The following RFX1 variants were observed in gnomAD, a reference collection of about 807,000 sequenced individuals.
RFX1 encodes regulatory factor X1, also known as MHC class II regulatory factor RFX1.
A neutral mutation model predicts 119.6 loss-of-function variants in RFX1; 42 were observed. The ratio of observed to expected loss-of-function variants is 0.35; its 90% CI spans 0.27 to 0.45. The LOEUF (loss-of-function observed/expected upper bound fraction) is 0.45, where lower values mean the gene tolerates loss of function less well. Ranked by LOEUF, RFX1 falls within the 20% of genes least tolerant of loss-of-function variation. The probability of loss-of-function intolerance (pLI) is 1.00; values close to 1 mark genes in which losing one functional copy is unlikely to be tolerated. For missense variants in RFX1, 1,118 were observed against 1,368.1 expected (o/e 0.82, Z 2.88); for synonymous variants, 628 against 618.5 (o/e 1.02, Z -0.23).
chr19:13,978,375 G>T (rs1974317854), intron 7 of RFX1, among the ~76,000 whole-genome samples: 1 of 152,170 alleles, frequency 6.6e-6, no homozygotes, highest in South Asian at 2.1e-4. Flanking sequence ...GTGAAGGTTG[G>T]ACCCCAGGCA....
In RFX1 at chr19:13,985,654, C is replaced by G. The variant is rs1299978048; in HGVS notation, c.320-2059G>C. Reference sequence around the variant, plus strand: ...ACCGGAGTCACTGGTTCTGCCTGGGCTGCGCCCCAAGGGCAGTGATGTGTG... The same window carrying G: ...ACCGGAGTCACTGGTTCTGCCTGGGGTGCGCCCCAAGGGCAGTGATGTGTG... On this transcript the variant is annotated intron_variant, in intron 2 of 20. Transcript: ENST00000254325. This position sits in a 1 kb window ranked among gnomAD's most constrained non-coding sequence, Gnocchi z 4.3. Among the ~76,000 whole-genome samples, 1 of 152,234 alleles carries G rather than the reference C, an allele frequency of 6.6e-6. No individual in the cohort carries two copies. The highest frequency in any genetic ancestry group is 1.5e-5 in the Non-Finnish European group (1 of 68,030).
At position 14,002,788 on chromosome 19, in the gene RFX1, A is replaced by G. The variant is rs529121253; in HGVS notation, c.-53+3315T>C. Among the ~76,000 whole-genome samples, 17 of 152,310 alleles carry G rather than the reference A, an allele frequency of 1.1e-4. No individual in the cohort carries two copies. In the South Asian group the frequency reaches 3.5e-3, roughly 32 times the overall value. On this transcript the variant is annotated intron_variant, in intron 1 of 20. Coordinates refer to ENST00000254325, the MANE Select transcript of RFX1 (RefSeq NM_002918.5). ...GTCCTGTACAGCTGCTATTGAAGGCAGCATCTCTGCGGGCGGGGCAGCCTG... is the reference window on the plus strand; with the variant it reads ...GTCCTGTACAGCTGCTATTGAAGGCGGCATCTCTGCGGGCGGGGCAGCCTG...
In RFX1 at chr19:13,966,937, CAG is replaced by C. The variant is rs921603458; in HGVS notation, c.1733-188_1733-187del. Among the ~76,000 whole-genome samples, 1 of 152,208 alleles carries C rather than the reference CAG, an allele frequency of 6.6e-6. No individual in the cohort carries two copies. The highest frequency in any genetic ancestry group is 2.4e-5 in the African/African-American group (1 of 41,460). On this transcript the variant is annotated intron_variant, in intron 12 of 20. Coordinates refer to ENST00000254325, the MANE Select transcript of RFX1 (RefSeq NM_002918.5). The surrounding 1 kb of genome is among the most constrained non-coding windows in gnomAD (Gnocchi z 6.3). ...GGAGTGAGGGCCCACACTCCTCTGG[CAG>C]AGAGGACAGGAGGGTCTTGTGCCAG...
chr19:13,978,639 C>G (rs1974330072), intron 7 of RFX1, among the ~76,000 whole-genome samples: 1 of 152,078 alleles, frequency 6.6e-6, no homozygotes, highest in East Asian at 1.9e-4. Flanking sequence ...TAGACCGACC[C>G]GTCGGGCGGA....
At position 13,962,452 on chromosome 19, in the gene RFX1, G is replaced by A. The variant is rs1973719669; in HGVS notation, c.*243C>T. On this transcript the variant is annotated 3_prime_UTR_variant, in exon 21 of 21. Transcript: ENST00000254325. The stretch of plus-strand genomic sequence containing the variant: ...GGGGCCGAGCTGGATGCCCCGCGGG[G>A]CACCTGGGCACGCGGCGGGTTCCTT... 3.9e-6 allele frequency: 2 copies of A among 507,486 alleles called. No individual in the cohort carries two copies. The highest frequency in any genetic ancestry group is 2.1e-5 in the African/African-American group (1 of 48,484). 31.4% of individuals were successfully genotyped at this position (507,486 alleles called of 1,614,324 possible). A position where few individuals can be genotyped will look rare whatever the true frequency, so the allele number is the denominator to read the frequency against.
At chr19:14,002,662 G>A (rs1448491162) in intron 1 of RFX1, among the ~76,000 whole-genome samples, 1 of 151,606 alleles carries the variant, frequency 6.6e-6, no homozygotes, top group Non-Finnish European at 1.5e-5. Flanking sequence ...GTTACTTCCT[G>A]CCACAAGCCT....
At position 13,965,404 on chromosome 19, in the gene RFX1, C is replaced by T. The variant is rs1270251416; in HGVS notation, c.2211+45G>A. On this transcript the variant is annotated intron_variant, in intron 16 of 20. Transcript: ENST00000254325. This position sits in a 1 kb window ranked among gnomAD's most constrained non-coding sequence, Gnocchi z 4.7. ...CCCTGGGGAGCAGAGGAGACGGAGGCCTAAGCCCCAGAGATAGGAGAAAGG... is the reference window on the plus strand; with the variant it reads ...CCCTGGGGAGCAGAGGAGACGGAGGTCTAAGCCCCAGAGATAGGAGAAAGG... 6.5e-7 allele frequency: 1 copy of T among 1,549,644 alleles called. No individual in the cohort carries two copies. The highest frequency in any genetic ancestry group is 8.9e-7 in the Non-Finnish European group (1 of 1,124,624).
At chr19:13,998,622 G>C (rs995727918) in intron 1 of RFX1, among the ~76,000 whole-genome samples, 1 of 152,174 alleles carries the variant, frequency 6.6e-6, no homozygotes, top group Non-Finnish European at 1.5e-5. Context: ...GGATCTTCAA[G>C]CTCTTGGGAG....
chr19:14,004,157 C>A (rs1293838644), intron 1 of RFX1, among the ~76,000 whole-genome samples: 6 of 152,144 alleles, frequency 3.9e-5, no homozygotes, highest in Non-Finnish European at 8.8e-5. Flanking sequence ...ACCTCAGCCT[C>A]CCAAAGTGCT....
intron 1 of RFX1, among the ~76,000 whole-genome samples, chr19:13,996,476 C>T (rs1975025721): frequency 6.6e-6 from 1 of 152,218 alleles, no homozygotes. Context: ...AGGTAAAAAA[C>T]AACTGCTGTT....
rs1974562564 is a variant in RFX1, at chr19:13,985,500, A to G, written c.320-1905T>C. On this transcript the variant is annotated intron_variant, in intron 2 of 20. Transcript: ENST00000254325. This position sits in a 1 kb window ranked among gnomAD's most constrained non-coding sequence, Gnocchi z 4.3. ...CTGACAGTAAGAGCTTTTATTACCC[A>G]TTTTCAGACAAGGCAACAGAGACCA... Among the ~76,000 whole-genome samples the G allele has an allele frequency of 1.3e-5, 2 of 152,042 alleles. No individual in the cohort carries two copies. The highest frequency in any genetic ancestry group is 1.3e-4 in the Admixed American group (2 of 15,256).
chr19:13,990,473 G>GAGTTCAAGACCAGC lies in RFX1; in HGVS notation c.319+3038_319+3051dup, dbSNP rs1974763224. ...AAGTGGGAGAATTGTTTGAGGCCAG[G>GAGTTCAAGACCAGC]AGTTCAAGACCAGCCTGGGCAACAT... On this transcript the variant is annotated intron_variant, in intron 2 of 20. Transcript: ENST00000254325. This position sits in a 1 kb window ranked among gnomAD's most constrained non-coding sequence, Gnocchi z 4.1. Among the ~76,000 whole-genome samples the GAGTTCAAGACCAGC allele has an allele frequency of 6.6e-6, 1 of 151,904 alleles. No homozygotes were observed.
intron 2 of RFX1, among the ~76,000 whole-genome samples, chr19:13,991,221 C>T (rs187867347): frequency 6.6e-5 from 10 of 152,276 alleles, no homozygotes; most frequent in Admixed American, 3.3e-4. Context: ...ACTCTGTCCC[C>T]AGTAAGGTTG....
chr19:13,963,053 A>T lies in RFX1; in HGVS notation c.2725-14T>A. 1 of 1,579,198 alleles carries T rather than the reference A, an allele frequency of 6.3e-7. No homozygotes were observed. Among genetic ancestry groups the T allele is most frequent in the Non-Finnish European group, 8.6e-7 (1 of 1,162,136 alleles). ...CAGATTGGCGAACTGGAGGAAGAAG[A>T]GAAGAAAATGGGTGAGGGTCCCGCC... On this transcript the variant is annotated splice_polypyrimidine_tract_variant and intron_variant, in intron 19 of 20. Transcript: ENST00000254325.
chr19:14,001,020 A>C (rs1975198848), intron 1 of RFX1, among the ~76,000 whole-genome samples: 1 of 152,094 alleles, frequency 6.6e-6, no homozygotes, highest in Non-Finnish European at 1.5e-5. Context: ...GCTTGAACCC[A>C]GGAGGCAGAG....
intron 2 of RFX1, among the ~76,000 whole-genome samples, chr19:13,987,572 G>A (rs1779429999): frequency 6.6e-6 from 1 of 152,130 alleles, no homozygotes; most frequent in Non-Finnish European, 1.5e-5. Context: ...ACGTGGCCCC[G>A]GCCACCCTTA....
At position 13,972,917 on chromosome 19, in the gene RFX1, G is replaced by A. The variant is rs745441401; in HGVS notation, c.1140C>T (p.Ser380=). The part of the protein sequence containing the change: ...TSTGAGASNS[S]GGGGSGGGGG... ...CGCCACCACCACTGCCACCACCTCC[G>A]CTGCTGTTGCTGGCCCCAGCCCCAG... The change falls in exon 9 of 21, where the codon AGC becomes AGT. Residue 380 remains serine (S), a synonymous_variant. Transcript: ENST00000254325. 1.6e-5 allele frequency: 26 copies of A among 1,596,292 alleles called. No homozygotes were observed. Among genetic ancestry groups the A allele is most frequent in the African/African-American group, 2.7e-5 (2 of 74,738 alleles).
intron 1 of RFX1, among the ~76,000 whole-genome samples, chr19:14,003,797 C>T (rs1975290042): frequency 6.6e-6 from 1 of 152,200 alleles, no homozygotes; most frequent in East Asian, 1.9e-4. Context: ...TCAAATCACC[C>T]TAGTGTTCTC....
At position 13,997,867 on chromosome 19, in the gene RFX1, C is replaced by G. The variant is rs1051258959; in HGVS notation, c.-52-3972G>C. 5.3e-5 allele frequency among the ~76,000 whole-genome samples: 8 copies of G among 152,126 alleles called. 1 individual carries two copies. The highest frequency in any genetic ancestry group is 3.9e-4 in the Admixed American group (6 of 15,270). On this transcript the variant is annotated intron_variant, in intron 1 of 20. Coordinates refer to ENST00000254325, the MANE Select transcript of RFX1 (RefSeq NM_002918.5). ...GGACTCGGGCAGCAGAGAAACTTGC[C>G]CACCGTGAGAGGGAAAAGGCTGCTG... is the stretch of plus-strand genomic sequence containing the variant.
Sources: allele counts gnomAD v4.1 joint callset (sites outside exome capture counted in the v4.1 genomes callset), GRCh38; gene constraint gnomAD v4.1.1; non-coding constraint Gnocchi (gnomAD v3.1); transcripts MANE v1.5; gene names NCBI Gene and HGNC (gene_info 2026-07-23, HGNC 2026-07-21).